The following PEX5L variants were observed in gnomAD, a reference collection of about 807,000 sequenced individuals.
PEX5L encodes the protein PEX5-related protein.
PEX5L carries 30 observed loss-of-function variants against 84.0 expected under a neutral mutation model. The observed-to-expected ratio is 0.36, with a 90% CI of 0.27 to 0.48. The LOEUF (loss-of-function observed/expected upper bound fraction) is 0.48, where lower values mean the gene tolerates loss of function less well. Ranked by LOEUF, PEX5L falls within the 20% of genes least tolerant of loss-of-function variation. The pLI, the probability that PEX5L is intolerant of heterozygous loss-of-function variation, is 0.99. For synonymous variants in PEX5L, 270 were observed against 283.1 expected (o/e 0.95, Z 0.46); for missense variants, 533 against 754.6 (o/e 0.71, Z 3.44).
intron 2 of PEX5L, among the ~76,000 whole-genome samples, chr3:179,919,519 T>C (rs1768502147): frequency 6.6e-6 from 1 of 151,956 alleles, no homozygotes. Context: ...GAATGCAGGG[T>C]CAGAGCTTAG....
chr3:180,032,002 G>C (rs756474929), intron 1 of PEX5L, among the ~76,000 whole-genome samples: 1 of 152,130 alleles, frequency 6.6e-6, no homozygotes, highest in Non-Finnish European at 1.5e-5. Context: ...GTTTCTTATA[G>C]TAAGTATATA....
At chr3:179,836,416 A>G (rs1240902809) in intron 8 of PEX5L, among the ~76,000 whole-genome samples, 5 of 152,152 alleles carry the variant, frequency 3.3e-5, no homozygotes, top group Non-Finnish European at 7.4e-5. Context: ...ATTTGCACTG[A>G]GCTCCTATAC....
chr3:179,965,429 A>T (rs1474653400), intron 2 of PEX5L, among the ~76,000 whole-genome samples: 1 of 152,190 alleles, frequency 6.6e-6, no homozygotes, highest in Non-Finnish European at 1.5e-5. Flanking sequence ...GTACAGATGA[A>T]AAAATGTAAA....
chr3:180,002,917 C>A (rs1788553898), intron 1 of PEX5L, among the ~76,000 whole-genome samples: 1 of 152,082 alleles, frequency 6.6e-6, no homozygotes, highest in South Asian at 2.1e-4. Context: ...CCATAAAGAT[C>A]TAAATTATCT....
At chr3:179,928,775 TC>T (rs1212486755) in intron 2 of PEX5L, among the ~76,000 whole-genome samples, 7 of 152,194 alleles carry the variant, frequency 4.6e-5, no homozygotes, top group Non-Finnish European at 7.3e-5. Context: ...TTATACTCAT[TC>T]CATTTTATCA....
chr3:180,013,346 T>C (rs1185483437), intron 1 of PEX5L, among the ~76,000 whole-genome samples: 1 of 152,176 alleles, frequency 6.6e-6, no homozygotes, highest in Non-Finnish European at 1.5e-5. Flanking sequence ...TCTCAGTAAA[T>C]CAAAATGATG....
chr3:179,949,770 T>C (rs977463584), intron 2 of PEX5L, among the ~76,000 whole-genome samples: 2 of 152,218 alleles, frequency 1.3e-5, no homozygotes, highest in Non-Finnish European at 2.9e-5. Context: ...CTCGTGATTA[T>C]GGACAGGTTA....
chr3:179,877,115 T>A (rs937014828), intron 5 of PEX5L, among the ~76,000 whole-genome samples: 3 of 152,242 alleles, frequency 2.0e-5, no homozygotes, highest in South Asian at 4.1e-4. Context: ...TTTGGAAGAT[T>A]TCAGATTTTC....
At chr3:179,837,823 C>G (rs111529175) in intron 8 of PEX5L, among the ~76,000 whole-genome samples, 3 of 152,178 alleles carry the variant, frequency 2.0e-5, no homozygotes, top group Non-Finnish European at 2.9e-5. Flanking sequence ...AATTAATAAA[C>G]AGGCTGCTTG....
chr3:179,903,531 G>T (rs890323969), intron 2 of PEX5L, among the ~76,000 whole-genome samples: 1 of 152,062 alleles, frequency 6.6e-6, no homozygotes, highest in African/African-American at 2.4e-5. Flanking sequence ...TACCTGGCAC[G>T]GTCTTTAGTT....
At chr3:180,024,540 G>T (rs1484034227) in intron 1 of PEX5L, among the ~76,000 whole-genome samples, 2 of 107,010 alleles carry the variant, frequency 1.9e-5, no homozygotes, top group Admixed American at 1.7e-4. Context: ...GCGAGACTCC[G>T]TTTCAAAAAA....
intron 2 of PEX5L, among the ~76,000 whole-genome samples, chr3:179,942,404 G>T (rs556025542): frequency 5.3e-4 from 81 of 152,252 alleles, no homozygotes; most frequent in Non-Finnish European, 7.1e-4. Context: ...CCAGAGCAAT[G>T]ACAACACTGC....
intron 9 of PEX5L, among the ~76,000 whole-genome samples, chr3:179,817,195 A>G (rs1726481547): frequency 6.6e-6 from 1 of 152,038 alleles, no homozygotes; most frequent in Non-Finnish European, 1.5e-5. Context: ...TGCATGTTTT[A>G]AAGTTAAAGA....
chr3:179,995,117 CTATA>C (rs985402198), intron 1 of PEX5L, among the ~76,000 whole-genome samples: 4 of 145,472 alleles, frequency 2.7e-5, no homozygotes, highest in Admixed American at 1.4e-4. Context: ...ACTATATATA[CTATA>C]TATATACACT....
chr3:179,948,480 C>T (rs1183689939), intron 2 of PEX5L, among the ~76,000 whole-genome samples: 5 of 152,056 alleles, frequency 3.3e-5, no homozygotes, highest in South Asian at 2.1e-4. Context: ...GGGCACTGAC[C>T]GAGTTGTCAT....
At chr3:179,942,629 A>G (rs796746342) in intron 2 of PEX5L, among the ~76,000 whole-genome samples, 17 of 152,320 alleles carry the variant, frequency 1.1e-4, no homozygotes, top group African/African-American at 3.8e-4. Context: ...GTTTCTTCCC[A>G]GGACTCTGCC....
chr3:179,982,948 T>A (rs1786467827), intron 1 of PEX5L, among the ~76,000 whole-genome samples: 1 of 152,016 alleles, frequency 6.6e-6, no homozygotes, highest in Admixed American at 6.6e-5. Context: ...AAAATCTTAA[T>A]CATGTATACA....
chr3:179,973,745 G>T, intron 1 of PEX5L: 1 of 985,324 alleles, frequency 1.0e-6, no homozygotes, highest in Non-Finnish European at 1.2e-6. Flanking sequence ...ATCTAATTTA[G>T]TAGTAAATTT....
At position 179,797,535 on chromosome 3, in the gene PEX5L, TA is replaced by T. The variant is rs1717416964; in HGVS notation, c.*4292del. 6.7e-6 allele frequency: 1 copy of T among 149,548 alleles called. No individual in the cohort carries two copies. The highest frequency in any genetic ancestry group is 2.4e-5 in the African/African-American group (1 of 40,874). 9.3% of individuals were successfully genotyped at this position (149,548 alleles called of 1,614,324 possible). A position where few individuals can be genotyped will look rare whatever the true frequency, so the allele number is the denominator to read the frequency against. On this transcript the variant is annotated 3_prime_UTR_variant, in exon 15 of 15. Transcript: ENST00000467460. The stretch of plus-strand genomic sequence containing the variant: ...TACCTGAGGTTATACGTTTTGCTTT[TA>T]AAAAATTGCTTTTTTACAAACTTTA...
Sources: allele counts gnomAD v4.1 joint callset (sites outside exome capture counted in the v4.1 genomes callset), GRCh38; gene constraint gnomAD v4.1.1; transcripts MANE v1.5; gene names NCBI Gene and HGNC (gene_info 2026-07-23, HGNC 2026-07-21).